The following MAML3 variants were observed in gnomAD, a reference collection of about 807,000 sequenced individuals.
MAML3 encodes mastermind like transcriptional coactivator 3.
A neutral mutation model predicts 101.9 loss-of-function variants in MAML3; 27 were observed. The observed-to-expected ratio is 0.27, with a 90% CI of 0.20 to 0.37. The LOEUF is 0.37. Ranked by LOEUF, MAML3 falls within the 10% of genes least tolerant of loss-of-function variation. The probability of loss-of-function intolerance (pLI) is 1.00; values close to 1 mark genes in which losing one functional copy is unlikely to be tolerated. For missense variants in MAML3, 1,316 were observed against 1,444.9 expected, an observed-to-expected ratio of 0.91 and a Z score of 1.45; for synonymous variants, 501 against 555.9, an observed-to-expected ratio of 0.90 and a Z score of 1.39.
chr4:140,017,132 G>A (rs911401347), intron 1 of MAML3, among the ~76,000 whole-genome samples: 1 of 152,114 alleles, frequency 6.6e-6, no homozygotes, highest in Non-Finnish European at 1.5e-5. Context: ...ATTAGAATAT[G>A]GGCAAAAGAC....
chr4:140,046,028 C>T (rs534480268), intron 1 of MAML3, among the ~76,000 whole-genome samples: 139 of 152,168 alleles, frequency 9.1e-4, no homozygotes, highest in African/African-American at 3.2e-3. Context: ...ATATAAATGC[C>T]CTCTAAAAAC....
At chr4:140,066,357 G>A (rs556997630) in intron 1 of MAML3, among the ~76,000 whole-genome samples, 7 of 152,164 alleles carry the variant, frequency 4.6e-5, no homozygotes, top group South Asian at 2.1e-4. Flanking sequence ...TTGCATAGAA[G>A]ACATGGAATA....
chr4:140,064,961 T>G (rs1727507101), intron 1 of MAML3, among the ~76,000 whole-genome samples: 1 of 152,196 alleles, frequency 6.6e-6, no homozygotes, highest in South Asian at 2.1e-4. Flanking sequence ...CTGCTGAAAA[T>G]GAAGATTCTT....
chr4:140,048,630 A>G (rs1727220025), intron 1 of MAML3, among the ~76,000 whole-genome samples: 1 of 152,214 alleles, frequency 6.6e-6, no homozygotes, highest in African/African-American at 2.4e-5. Flanking sequence ...TACAGGAGAA[A>G]GGTCATTTCC....
At chr4:140,085,751 A>G (rs886133514) in intron 1 of MAML3, among the ~76,000 whole-genome samples, 5 of 152,228 alleles carry the variant, frequency 3.3e-5, no homozygotes, top group Non-Finnish European at 5.9e-5. Flanking sequence ...TAATAAATAC[A>G]GTTTCAAAAT....
chr4:140,027,130 T>C (rs6838273), intron 1 of MAML3, among the ~76,000 whole-genome samples: 127,697 of 152,148 alleles, frequency 0.84, 54,563 homozygotes, highest in Non-Finnish European at 0.92. Flanking sequence ...GTCCCGACTC[T>C]ATTATCTGTG....
At chr4:140,082,545 G>A (rs923839445) in intron 1 of MAML3, among the ~76,000 whole-genome samples, 5 of 152,126 alleles carry the variant, frequency 3.3e-5, no homozygotes, top group African/African-American at 1.2e-4. Context: ...CAGTAGTGTC[G>A]TTACTATGGC....
chr4:139,877,542 A>G (rs1578642903), intron 2 of MAML3, among the ~76,000 whole-genome samples: 1 of 152,232 alleles, frequency 6.6e-6, no homozygotes, highest in Non-Finnish European at 1.5e-5. Context: ...CAAAAGGAAC[A>G]TATGATAGTC....
chr4:139,923,251 A>T (rs1414559287), intron 1 of MAML3, among the ~76,000 whole-genome samples: 1 of 152,136 alleles, frequency 6.6e-6, no homozygotes, highest in East Asian at 1.9e-4. Context: ...CCAAGCAAAC[A>T]GCAAGGCTTT....
intron 1 of MAML3, among the ~76,000 whole-genome samples, chr4:140,073,519 C>T (rs1276289987): frequency 6.6e-6 from 1 of 152,040 alleles, no homozygotes; most frequent in Non-Finnish European, 1.5e-5. Context: ...GTGTTTTGAT[C>T]TTTCTCCCAC....
intron 1 of MAML3, among the ~76,000 whole-genome samples, chr4:140,096,709 T>C (rs190051608): frequency 6.6e-6 from 1 of 152,302 alleles, no homozygotes; most frequent in East Asian, 1.9e-4. Context: ...AGTCTTGGGA[T>C]GGCTCATGTT....
At chr4:139,880,968 A>G (rs1236937208) in intron 2 of MAML3, among the ~76,000 whole-genome samples, 1 of 152,142 alleles carries the variant, frequency 6.6e-6, no homozygotes, top group Non-Finnish European at 1.5e-5. Context: ...AAATTTTGGG[A>G]GATGAAAATC....
At chr4:140,117,907 T>C (rs1009861466) in intron 1 of MAML3, among the ~76,000 whole-genome samples, 1 of 152,134 alleles carries the variant, frequency 6.6e-6, no homozygotes, top group Non-Finnish European at 1.5e-5. Flanking sequence ...ATTAATCTAG[T>C]AATTCTAAGG....
chr4:139,762,383 A>G (rs886431869), intron 2 of MAML3, among the ~76,000 whole-genome samples: 3 of 152,144 alleles, frequency 2.0e-5, no homozygotes, highest in African/African-American at 7.2e-5. Flanking sequence ...TGAATAAGGG[A>G]CAGTGATTGT....
At chr4:140,110,026 G>A (rs917356424) in intron 1 of MAML3, among the ~76,000 whole-genome samples, 1 of 152,200 alleles carries the variant, frequency 6.6e-6, no homozygotes, top group South Asian at 2.1e-4. Context: ...AGTGGAAAAC[G>A]GGGTGGGTGG....
intron 1 of MAML3, among the ~76,000 whole-genome samples, chr4:140,088,321 C>T (rs976341214): frequency 6.6e-6 from 1 of 152,018 alleles, no homozygotes; most frequent in African/African-American, 2.4e-5. Flanking sequence ...CCTTTCCCTC[C>T]TCTCTCCCCT....
At chr4:139,891,467 G>C (rs1381208905) in intron 1 of MAML3, among the ~76,000 whole-genome samples, 4 of 152,030 alleles carry the variant, frequency 2.6e-5, no homozygotes. Context: ...TTGTAGAGAT[G>C]GGGTTTCACC....
intron 1 of MAML3, among the ~76,000 whole-genome samples, chr4:139,928,143 G>C (rs1181097775): frequency 1.3e-5 from 2 of 152,148 alleles, no homozygotes; most frequent in African/African-American, 4.8e-5. Flanking sequence ...ACATCACAGG[G>C]TTCATGCTGG....
intron 2 of MAML3, among the ~76,000 whole-genome samples, chr4:139,764,653 T>TG (rs1729817731): frequency 6.6e-6 from 1 of 152,236 alleles, no homozygotes; most frequent in South Asian, 2.1e-4. Context: ...ATGGAGGATG[T>TG]GGTTGCTGTT....
Sources: gnomAD v4.1 joint callset for allele counts (sites outside exome capture counted in the v4.1 genomes callset) on GRCh38, gnomAD v4.1.1 for gene constraint, MANE v1.5 for transcripts, NCBI Gene and HGNC (gene_info 2026-07-23, HGNC 2026-07-21) for gene names.